DNAH14: variants seen among roughly 807,000 people sequenced by gnomAD.
DNAH14 encodes the protein dynein axonemal heavy chain 14.
A neutral mutation model predicts 520.9 loss-of-function variants in DNAH14; 478 were observed. The observed-to-expected ratio is 0.92, with a 90% CI of 0.85 to 0.99. DNAH14 has a LOEUF of 0.99. Among genes scored for constraint, DNAH14 ranks in the 50% least tolerant of loss-of-function variants. The pLI is 0.00. For missense variants in DNAH14, 4,831 were observed against 5,234.5 expected, an observed-to-expected ratio of 0.92 and a Z score of 2.38; for synonymous variants, 1,581 against 1,757.2, an observed-to-expected ratio of 0.90 and a Z score of 2.51.
chr1:225,110,809 C>G lies in DNAH14; in HGVS notation c.3868-6875C>G, dbSNP rs990134521. ...CTATAAACTCCCCTTTTGGTATATC[C>G]CATAAGTTTTGGTATGTTGTGTTTC... is the stretch of plus-strand genomic sequence containing the variant. On this transcript the variant is annotated intron_variant, in intron 23 of 85. Coordinates refer to ENST00000682510, the MANE Select transcript of DNAH14 (RefSeq NM_001367479.1). Among the ~76,000 whole-genome samples, 7 of 151,774 alleles carry G rather than the reference C, an allele frequency of 4.6e-5. No homozygotes were observed. The South Asian group carries it at 1.5e-3, about 32-fold the overall frequency.
At chr1:225,206,351 AT>A (rs2087548347) in intron 40 of DNAH14, among the ~76,000 whole-genome samples, 172 bp downstream of exon 40, 1 of 152,190 alleles carries the variant, frequency 6.6e-6, no homozygotes, top group Admixed American at 6.5e-5. Flanking sequence ...CCACAATTGA[AT>A]GTGAATTTAA....
Position 225,192,921 on chromosome 1 carries a change from G to C in DNAH14, c.5886+10G>C. On this transcript the variant is annotated intron_variant, in intron 38 of 85. Transcript: ENST00000682510. Reference sequence around the variant, plus strand: ...CTCAGATTTATCCAATGTAAGTTTAGTATTGAATGAATGTTTTTATTTAAC... The same window carrying C: ...CTCAGATTTATCCAATGTAAGTTTACTATTGAATGAATGTTTTTATTTAAC... 6.5e-7 allele frequency: 1 copy of C among 1,527,602 alleles called. No individual in the cohort carries two copies. The highest frequency in any genetic ancestry group is 1.4e-5 in the African/African-American group (1 of 72,462). The allele number at this position is 1,527,602 out of a possible 1,614,324, so 94.6% of individuals were successfully genotyped here.
In DNAH14 at chr1:225,271,903, A is replaced by T. The variant is rs1030520029; in HGVS notation, c.7672-3A>T. The T allele has an allele frequency of 6.5e-7, 1 of 1,537,520 alleles. No individual in the cohort carries two copies. The highest frequency in any genetic ancestry group is 1.4e-5 in the African/African-American group (1 of 71,960). On this transcript the variant is annotated splice_polypyrimidine_tract_variant and splice_region_variant and intron_variant, in intron 50 of 85. Transcript: ENST00000682510. ...AGCTAAATTATAACATTTCTTTTTA[A>T]AGGCTCATTTGGGAATTTATTTCTC...
At chr1:225,114,528 A>G (rs980678265) in intron 23 of DNAH14, among the ~76,000 whole-genome samples, 3 of 152,268 alleles carry the variant, frequency 2.0e-5, no homozygotes, top group South Asian at 2.1e-4. Flanking sequence ...CCCCCAGTCC[A>G]CTGGCTCTGA....
intron 31 of DNAH14, among the ~76,000 whole-genome samples, chr1:225,148,450 G>T (rs1006971915): frequency 2.2e-5 from 3 of 133,410 alleles, no homozygotes; most frequent in Admixed American, 8.6e-5. Flanking sequence ...TGCCCAGGCT[G>T]GAGTGCAATG....
intron 17 of DNAH14, among the ~76,000 whole-genome samples, chr1:225,061,889 T>C (rs2070173487): frequency 6.6e-6 from 1 of 152,236 alleles, no homozygotes; most frequent in Non-Finnish European, 1.5e-5. Flanking sequence ...ATGTAATGTT[T>C]AGAACATTGA....
intron 11 of DNAH14, among the ~76,000 whole-genome samples, chr1:225,032,396 G>A (rs1431922332): frequency 1.3e-5 from 2 of 152,042 alleles, no homozygotes; most frequent in African/African-American, 4.8e-5. Flanking sequence ...CCATGTTCCT[G>A]TAAAACACGT....
intron 8 of DNAH14, among the ~76,000 whole-genome samples, chr1:224,993,966 G>A (rs2063226593): frequency 6.6e-6 from 1 of 151,692 alleles, no homozygotes; most frequent in Non-Finnish European, 1.5e-5. Context: ...ATGTTGTTTT[G>A]TGTCTATGTA....
In DNAH14 at chr1:225,185,324, G is replaced by A. The variant is rs2084558143; in HGVS notation, c.5569G>A (p.Gly1857Ser). 3 of 1,546,784 alleles carry A rather than the reference G, an allele frequency of 1.9e-6. No individual in the cohort carries two copies. Among genetic ancestry groups the A allele is most frequent in the Non-Finnish European group, 2.6e-6 (3 of 1,145,130 alleles). The change falls in exon 37 of 86, where the codon GGT (glycine) becomes AGT (serine). Residue 1857 changes from glycine to serine, a missense_variant. Coordinates refer to ENST00000682510, the MANE Select transcript of DNAH14 (RefSeq NM_001367479.1). ...CVGVMLVGPT[G>S]GGKTTVRRIL... is the part of the protein sequence containing the mutation. ...TGGTGTGATGTTAGTGGGCCCAACA[G>A]GTGGAGGAAAGACAACAGTCAGAAG... is the stretch of plus-strand genomic sequence containing the variant.
Position 225,185,399 on chromosome 1 carries a change from G to T in DNAH14, c.5644G>T (p.Val1882Phe), listed in dbSNP as rs6679852. ...TLLPIADFLS[V>F]AERKSASKIS... Reference sequence around the variant, plus strand: ...ATTACCAATTGCAGACTTCTTATCAGTTGCAGAAAGAAAATCTGCTTCAAA... The same window carrying T: ...ATTACCAATTGCAGACTTCTTATCATTTGCAGAAAGAAAATCTGCTTCAAA... The change falls in exon 37 of 86, where the codon GTT becomes TTT. Residue 1882 changes from valine (V) to phenylalanine (F), a missense_variant. By Grantham distance (50) the Val-to-Phe change is conservative. Coordinates refer to ENST00000682510, the MANE Select transcript of DNAH14 (RefSeq NM_001367479.1). 8.9e-4 allele frequency: 1,358 copies of T among 1,533,856 alleles called. 9 individuals are homozygous for T. In the African/African-American group the frequency reaches 0.017, roughly 19 times the overall value.
chr1:225,388,474 T>C lies in DNAH14; in HGVS notation c.13173T>C (p.Tyr4391=). ...NFFNTWAKVA[Y]TAIQRRYMRF... ...TCAATACTTGGGCCAAAGTGGCTTATACTGCAATACAGCGTCGGTATGGAT... is the reference window on the plus strand; with the variant it reads ...TCAATACTTGGGCCAAAGTGGCTTACACTGCAATACAGCGTCGGTATGGAT... Residue 4391 remains tyrosine (Y), a synonymous_variant, in exon 82 of 86, where the codon TAT becomes TAC. Transcript: ENST00000682510. 6.6e-7 allele frequency: 1 copy of C among 1,517,212 alleles called. No homozygotes were observed. The highest frequency in any genetic ancestry group is 1.2e-5 in the South Asian group (1 of 81,654). The allele number at this position is 1,517,212 out of a possible 1,614,324, so 94.0% of individuals were successfully genotyped here. A position where few individuals can be genotyped will look rare whatever the true frequency, so the allele number is the denominator to read the frequency against.
Position 225,207,126 on chromosome 1 carries a change from A to G in DNAH14, c.6345A>G (p.Pro2115=). The change falls in exon 41 of 86, where the codon CCA becomes CCG. Residue 2115 remains proline (P), a synonymous_variant. Coordinates refer to ENST00000682510, the MANE Select transcript of DNAH14 (RefSeq NM_001367479.1). ...TAAGGAATCGTCAGAAATTTCAGCC[A>G]TATCCTATGGAGGACATAACAGTCG... ...QFIRNRQKFQ[P]YPMEDITVVI... The G allele has an allele frequency of 1.3e-6, 2 of 1,551,208 alleles. No individual in the cohort carries two copies. The highest frequency in any genetic ancestry group is 1.7e-6 in the Non-Finnish European group (2 of 1,146,672).
chr1:225,212,091 G>A (rs929564396), intron 41 of DNAH14, among the ~76,000 whole-genome samples: 2 of 120,502 alleles, frequency 1.7e-5, no homozygotes, highest in African/African-American at 6.7e-5. Context: ...GGTGTGTAAT[G>A]TTCCCCACCC....
At chr1:225,331,983 G>A (rs1348159732) in intron 65 of DNAH14, among the ~76,000 whole-genome samples, 1 of 150,778 alleles carries the variant, frequency 6.6e-6, no homozygotes, top group Admixed American at 6.6e-5. Flanking sequence ...TTTTTTAAGT[G>A]AAAGTAAGTT....
Position 225,050,193 on chromosome 1 carries a change from T to C in DNAH14, c.1913-17T>C. Reference sequence around the variant, plus strand: ...ATGGCATTTCTGAAGTACTGACTTTTAAATTATATATTTTAGCCACAATTA... The same window carrying C: ...ATGGCATTTCTGAAGTACTGACTTTCAAATTATATATTTTAGCCACAATTA... On this transcript the variant is annotated splice_polypyrimidine_tract_variant and intron_variant, in intron 15 of 85. Transcript: ENST00000682510. 6.6e-7 allele frequency: 1 copy of C among 1,521,042 alleles called. No homozygotes were observed. Among genetic ancestry groups the C allele is most frequent in the Non-Finnish European group, 8.8e-7 (1 of 1,138,240 alleles). The allele number at this position is 1,521,042 out of a possible 1,614,324, so 94.2% of individuals were successfully genotyped here.
intron 41 of DNAH14, among the ~76,000 whole-genome samples, chr1:225,209,379 C>G (rs2088026661): frequency 6.6e-6 from 1 of 152,036 alleles, no homozygotes; most frequent in Non-Finnish European, 1.5e-5. Context: ...CCTTTCCTGG[C>G]AATAGATTGC....
intron 41 of DNAH14, among the ~76,000 whole-genome samples, chr1:225,211,682 G>A (rs1039375960): frequency 2.0e-5 from 3 of 151,798 alleles, no homozygotes; most frequent in African/African-American, 7.3e-5. Flanking sequence ...GAAACCCCAA[G>A]ACACATAATT....
chr1:225,043,183 A>T lies in DNAH14; in HGVS notation c.1768+69A>T, dbSNP rs1413245117. On this transcript the variant is annotated intron_variant, in intron 13 of 85. Transcript: ENST00000682510. Reference sequence around the variant, plus strand: ...GGTGGCTCATGCCTGCAATCCTGGCACTCTGGGAGGCTGAGGTGGGAGGAT... The same window carrying T: ...GGTGGCTCATGCCTGCAATCCTGGCTCTCTGGGAGGCTGAGGTGGGAGGAT... 2.8e-6 allele frequency: 4 copies of T among 1,426,828 alleles called. No homozygotes were observed. The East Asian group carries it at 1.0e-4, about 37-fold the overall frequency. 88.4% of individuals were successfully genotyped at this position (1,426,828 alleles called of 1,614,324 possible).
intron 23 of DNAH14, among the ~76,000 whole-genome samples, chr1:225,108,898 G>A (rs534892350): frequency 5.3e-5 from 8 of 152,242 alleles, no homozygotes; most frequent in African/African-American, 1.9e-4. Context: ...TGTATATGGC[G>A]AAAGATAGGA....
Sources: allele counts gnomAD v4.1 joint callset (sites outside exome capture counted in the v4.1 genomes callset), GRCh38; gene constraint gnomAD v4.1.1; transcripts MANE v1.5; gene names NCBI Gene and HGNC (gene_info 2026-07-23, HGNC 2026-07-21).